Variants in RALGPS1 observed in about 807,000 individuals in gnomAD.
The protein encoded by RALGPS1 is ras-specific guanine nucleotide-releasing factor RalGPS1.
Under a neutral mutation model 78.8 loss-of-function variants are expected in RALGPS1, and 19 were observed. The ratio of observed to expected loss-of-function variants is 0.24; its 90% CI spans 0.17 to 0.35. The LOEUF (loss-of-function observed/expected upper bound fraction) is 0.35. Among genes scored for constraint, RALGPS1 ranks in the 10% least tolerant of loss-of-function variants. The pLI is 1.00. For synonymous variants in RALGPS1, 228 were observed against 256.3 expected (o/e 0.89, Z 1.06); for missense variants, 454 against 688.3 (o/e 0.66, Z 3.81).
At chr9:127,120,759 C>T (rs571862095) in intron 8 of RALGPS1, among the ~76,000 whole-genome samples, 3 of 151,054 alleles carry the variant, frequency 2.0e-5, no homozygotes, top group South Asian at 2.1e-4. Context: ...ACCCAGCAGG[C>T]GGAGTTTGCA....
intron 18 of RALGPS1, among the ~76,000 whole-genome samples, chr9:127,215,667 C>A (rs961177680): frequency 7.9e-5 from 12 of 152,128 alleles, no homozygotes; most frequent in Admixed American, 7.9e-4. Flanking sequence ...TCCCTGGTAA[C>A]CCCTGCAGCT....
chr9:127,061,579 TTCCTTGAACATCCCTTGTA>T (rs1249595809), intron 7 of RALGPS1, among the ~76,000 whole-genome samples: 1 of 152,246 alleles, frequency 6.6e-6, no homozygotes, highest in Admixed American at 6.5e-5. Context: ...AAACTACTGT[TTCCTTGAACATCCCTTGTA>T]TGCCCACCTC....
chr9:126,952,098 C>G (rs1275994176), intron 1 of RALGPS1, among the ~76,000 whole-genome samples: 10 of 152,208 alleles, frequency 6.6e-5, no homozygotes, highest in Admixed American at 6.5e-4. Flanking sequence ...ACTTAGGAAT[C>G]CAACTTACAA....
At chr9:127,107,728 G>A (rs1218076880) in intron 8 of RALGPS1, among the ~76,000 whole-genome samples, 1 of 152,180 alleles carries the variant, frequency 6.6e-6, no homozygotes, top group Non-Finnish European at 1.5e-5. Flanking sequence ...TCTAAGGAAT[G>A]TGGTTCCCCT....
intron 1 of RALGPS1, among the ~76,000 whole-genome samples, chr9:126,955,566 T>A (rs1377194145): frequency 6.6e-6 from 1 of 152,210 alleles, no homozygotes; most frequent in Non-Finnish European, 1.5e-5. Context: ...TAAAGATATA[T>A]ATTCCCTTAC....
In RALGPS1 at chr9:126,962,402, C is replaced by T. The variant is rs534497151; in HGVS notation, c.57+56C>T. 13 of 1,567,256 alleles carry T rather than the reference C, an allele frequency of 8.3e-6. 1 individual carries two copies. The South Asian group carries it at 1.3e-4, about 16-fold the overall frequency. The stretch of plus-strand genomic sequence containing the variant: ...GTAGAGGGGTCTCCTTTCAGCTAAC[C>T]CAGGCCCCAGCTGAGCCTTGGACAG... On this transcript the variant is annotated intron_variant, in intron 2 of 18. Transcript: ENST00000259351.
chr9:127,035,905 T>TA (rs1003018732), intron 5 of RALGPS1, among the ~76,000 whole-genome samples: 31 of 146,446 alleles, frequency 2.1e-4, no homozygotes, highest in South Asian at 8.7e-4. Flanking sequence ...AGTCTTTAAT[T>TA]AAAAAAAAAA....
intron 8 of RALGPS1, among the ~76,000 whole-genome samples, chr9:127,152,399 A>G (rs138397257): frequency 3.3e-5 from 5 of 152,350 alleles, no homozygotes; most frequent in African/African-American, 1.2e-4. Context: ...AGCACACTCC[A>G]GTTCTTTTCT....
chr9:126,975,515 G>A (rs924826750), intron 3 of RALGPS1, among the ~76,000 whole-genome samples: 1 of 152,230 alleles, frequency 6.6e-6, no homozygotes. Flanking sequence ...AAGTGCAGGG[G>A]AGATTTCCAA....
intron 1 of RALGPS1, among the ~76,000 whole-genome samples, chr9:126,950,905 A>G (rs1057247886): frequency 2.6e-4 from 40 of 152,078 alleles, no homozygotes; most frequent in Non-Finnish European, 2.8e-4. Context: ...GATCAACAAA[A>G]TTGATAGACT....
At chr9:127,143,846 G>A (rs1432117901) in intron 8 of RALGPS1, among the ~76,000 whole-genome samples, 1 of 152,194 alleles carries the variant, frequency 6.6e-6, no homozygotes, top group Non-Finnish European at 1.5e-5. Context: ...CCAAGACAGA[G>A]GTCTCCATAT....
chr9:127,199,105 G>T (rs768904060), intron 14 of RALGPS1, 39 bp downstream of exon 14: 268 of 1,594,506 alleles, frequency 1.7e-4, no homozygotes, highest in Non-Finnish European at 2.2e-4. Context: ...CCCAGGGGCG[G>T]TGCTCAGGGC....
intron 1 of RALGPS1, among the ~76,000 whole-genome samples, chr9:126,928,726 C>T (rs989476926): frequency 3.3e-5 from 5 of 152,178 alleles, no homozygotes; most frequent in African/African-American, 1.2e-4. Context: ...CTCAGCCTTC[C>T]AAGTAGCTGG....
intron 1 of RALGPS1, among the ~76,000 whole-genome samples, chr9:126,919,734 G>C (rs1031357706): frequency 4.6e-5 from 7 of 152,188 alleles, no homozygotes; most frequent in African/African-American, 1.7e-4. Flanking sequence ...TCTATTCTTT[G>C]TGAGCAGATA....
intron 4 of RALGPS1, among the ~76,000 whole-genome samples, chr9:126,984,261 G>A (rs2041593012): frequency 6.6e-6 from 1 of 152,078 alleles, no homozygotes; most frequent in Admixed American, 6.6e-5. Context: ...GTGCCACCAT[G>A]CTTGGCTAAT....
At chr9:126,980,762 T>C (rs943312779) in intron 4 of RALGPS1, among the ~76,000 whole-genome samples, 1 of 152,222 alleles carries the variant, frequency 6.6e-6, no homozygotes, top group African/African-American at 2.4e-5. Flanking sequence ...GAACCAGGCC[T>C]GTCTGAGCCC....
chr9:127,166,887 C>G (rs2059320183), intron 9 of RALGPS1, among the ~76,000 whole-genome samples: 1 of 152,070 alleles, frequency 6.6e-6, no homozygotes, highest in Non-Finnish European at 1.5e-5. Flanking sequence ...GATGGGCCAT[C>G]CATGTGGGGA....
At chr9:127,159,208 A>G (rs997779639) in intron 8 of RALGPS1, among the ~76,000 whole-genome samples, 3 of 152,140 alleles carry the variant, frequency 2.0e-5, no homozygotes, top group East Asian at 3.8e-4. Context: ...AGTGCACGCT[A>G]TGCCATCCAT....
intron 1 of RALGPS1, among the ~76,000 whole-genome samples, chr9:126,934,902 G>C (rs1252071690): frequency 2.6e-5 from 4 of 152,142 alleles, no homozygotes; most frequent in Non-Finnish European, 5.9e-5. Flanking sequence ...CCCTTAATCA[G>C]AAAGGGCCAG....
Sources: gnomAD v4.1 joint callset for allele counts (sites outside exome capture counted in the v4.1 genomes callset) on GRCh38, gnomAD v4.1.1 for gene constraint, MANE v1.5 for transcripts, NCBI Gene and HGNC (gene_info 2026-07-23, HGNC 2026-07-21) for gene names.